Variants in RIMBP2 observed in about 807,000 individuals in gnomAD.
RIMBP2 encodes RIMS-binding protein 2.
RIMBP2 carries 48 observed loss-of-function variants against 118.6 expected under a neutral mutation model. The ratio of observed to expected loss-of-function variants is 0.40; its 90% CI spans 0.32 to 0.51. The LOEUF (loss-of-function observed/expected upper bound fraction) is 0.51, where lower values mean the gene tolerates loss of function less well. RIMBP2 is among the 20% of genes least tolerant of loss of function. The probability of loss-of-function intolerance (pLI) is 0.41; values close to 1 mark genes in which losing one functional copy is unlikely to be tolerated. For synonymous variants in RIMBP2, 762 were observed against 742.9 expected, an observed-to-expected ratio of 1.03 and a Z score of -0.42; for missense variants, 1,551 against 1,768.3, an observed-to-expected ratio of 0.88 and a Z score of 2.20.
chr12:130,466,818 A>G (rs1026621525), intron 6 of RIMBP2, among the ~76,000 whole-genome samples: 1 of 152,220 alleles, frequency 6.6e-6, no homozygotes, highest in African/African-American at 2.4e-5. Flanking sequence ...CTCACCCGAG[A>G]CAAAGGTATA....
At chr12:130,655,116 C>T (rs2063369754) in intron 1 of RIMBP2, among the ~76,000 whole-genome samples, 2 of 152,182 alleles carry the variant, frequency 1.3e-5, no homozygotes, top group Non-Finnish European at 2.9e-5. Flanking sequence ...ATGCAGAAAA[C>T]ACACAAATGA....
chr12:130,688,494 G>A lies in RIMBP2; in HGVS notation c.-352+27728C>T, dbSNP rs964931148. 1.2e-4 allele frequency among the ~76,000 whole-genome samples: 19 copies of A among 152,132 alleles called. No individual in the cohort carries two copies. Among genetic ancestry groups the A allele is most frequent in the Non-Finnish European group, 2.5e-4 (17 of 68,026 alleles). ...TGAACATACACACCACTGTCCCTCCGTGGGGGCGGCCATGTGACCAAGAGC... is the reference window on the plus strand; with the variant it reads ...TGAACATACACACCACTGTCCCTCCATGGGGGCGGCCATGTGACCAAGAGC... On this transcript the variant is annotated intron_variant, in intron 1 of 22. Transcript: ENST00000690449. This position sits in a 1 kb window ranked among gnomAD's most constrained non-coding sequence, Gnocchi z 4.7.
chr12:130,626,234 A>C (rs534745057), intron 2 of RIMBP2, among the ~76,000 whole-genome samples: 2 of 152,216 alleles, frequency 1.3e-5, no homozygotes, highest in Non-Finnish European at 2.9e-5. Context: ...AAATGAATGC[A>C]TAAAATAGGA....
intron 1 of RIMBP2, among the ~76,000 whole-genome samples, chr12:130,696,618 T>C (rs995549461): frequency 2.0e-5 from 3 of 152,246 alleles, no homozygotes; most frequent in African/African-American, 7.2e-5. Context: ...ACTGTGAACA[T>C]TGATCATTTA....
rs150189455 is a variant in RIMBP2 at position 130,447,394 on chromosome 12, C to T, written c.582-2125G>A. 8.5e-5 allele frequency among the ~76,000 whole-genome samples: 13 copies of T among 152,214 alleles called. No homozygotes were observed. The highest frequency in any genetic ancestry group is 2.4e-4 in the African/African-American group (10 of 41,548). On this transcript the variant is annotated intron_variant, in intron 9 of 22. Coordinates refer to ENST00000690449, the MANE Select transcript of RIMBP2 (RefSeq NM_001393629.1). The surrounding 1 kb of genome is among the most constrained non-coding windows in gnomAD (Gnocchi z 4.4). ...TGGGTGTTCAGGGCAGACGCTGCCA[C>T]GTACTGTGTGGATGAGACCAGGGGA...
chr12:130,707,562 T>C (rs1247870045), intron 1 of RIMBP2, among the ~76,000 whole-genome samples: 1 of 152,164 alleles, frequency 6.6e-6, no homozygotes, highest in Non-Finnish European at 1.5e-5. Context: ...GGCAGGCCTG[T>C]GGCCATCAGG....
chr12:130,611,053 T>G (rs994903996), intron 2 of RIMBP2, among the ~76,000 whole-genome samples: 2 of 152,162 alleles, frequency 1.3e-5, no homozygotes, highest in African/African-American at 4.8e-5. Flanking sequence ...CAACACCTCA[T>G]TTCACAGAGG....
Position 130,644,332 on chromosome 12 carries a change from G to C in RIMBP2, c.-351-15876C>G, listed in dbSNP as rs2062754148. On this transcript the variant is annotated intron_variant, in intron 1 of 22. Transcript: ENST00000690449. ...CAAATTAGCTTTCATGAGCTGCTCAGCTCTTAATCCATTAGGGCAGACACG... is the reference window on the plus strand; with the variant it reads ...CAAATTAGCTTTCATGAGCTGCTCACCTCTTAATCCATTAGGGCAGACACG... Among the ~76,000 whole-genome samples, 6 of 152,324 alleles carry C rather than the reference G, an allele frequency of 3.9e-5. No homozygotes were observed. The South Asian group carries it at 1.2e-3, about 32-fold the overall frequency.
At chr12:130,404,924 CGT>C (rs1260854030) in intron 21 of RIMBP2, among the ~76,000 whole-genome samples, 1 of 151,858 alleles carries the variant, frequency 6.6e-6, no homozygotes, top group Non-Finnish European at 1.5e-5. Flanking sequence ...AATTTTAAAA[CGT>C]ATTCATTTTT....
At chr12:130,572,113 C>G (rs2057717608) in intron 2 of RIMBP2, among the ~76,000 whole-genome samples, 1 of 135,590 alleles carries the variant, frequency 7.4e-6, no homozygotes, top group East Asian at 2.3e-4. Context: ...CCCTGCTCCA[C>G]CCCCAGTGCG....
intron 7 of RIMBP2, among the ~76,000 whole-genome samples, chr12:130,453,233 C>T (rs975152164): frequency 6.6e-6 from 1 of 152,220 alleles, no homozygotes; most frequent in Non-Finnish European, 1.5e-5. Context: ...CCTGCCCTCA[C>T]ATACTGACTG....
At position 130,439,198 on chromosome 12, in the gene RIMBP2, A is replaced by C. The variant is rs945034853; in HGVS notation, c.1505-682T>G. On this transcript the variant is annotated intron_variant, in intron 11 of 22. Coordinates refer to ENST00000690449, the MANE Select transcript of RIMBP2 (RefSeq NM_001393629.1). ...ATGGGTGTATGTGTGTAATGTGTGC[A>C]TATATGTGTATATGTGGATGTGTTT... 4.8e-5 allele frequency among the ~76,000 whole-genome samples: 4 copies of C among 82,634 alleles called. No homozygotes were observed. The Admixed American group carries it at 5.3e-4, about 11-fold the overall frequency. The allele number at this position is 82,634 out of a possible 152,430, so 54.2% of individuals were successfully genotyped here. A position where few individuals can be genotyped will look rare whatever the true frequency, so the allele number is the denominator to read the frequency against.
At chr12:130,690,791 T>G (rs754797574) in intron 1 of RIMBP2, among the ~76,000 whole-genome samples, 4 of 152,148 alleles carry the variant, frequency 2.6e-5, no homozygotes, top group Non-Finnish European at 5.9e-5. Flanking sequence ...CATCAGGAGC[T>G]TGAAGCCTGG....
intron 2 of RIMBP2, among the ~76,000 whole-genome samples, chr12:130,553,771 A>C (rs899126525): frequency 3.3e-5 from 5 of 152,206 alleles, no homozygotes; most frequent in Non-Finnish European, 7.3e-5. Flanking sequence ...TCATTAAATA[A>C]CTTGACCAAA....
intron 2 of RIMBP2, among the ~76,000 whole-genome samples, chr12:130,556,883 C>T (rs987388990): frequency 6.6e-6 from 1 of 152,186 alleles, no homozygotes; most frequent in African/African-American, 2.4e-5. Context: ...CAGCACTGTG[C>T]ACCCTTAGGG....
chr12:130,615,272 C>CACATATATATATAT (rs1429575646), intron 2 of RIMBP2, among the ~76,000 whole-genome samples: 107 of 38,770 alleles, frequency 2.8e-3, no homozygotes, highest in Middle Eastern at 0.033. Flanking sequence ...ACATAATACA[C>CACATATATATATAT]ATACATATAT....
At chr12:130,482,768 T>C (rs898356008) in intron 4 of RIMBP2, among the ~76,000 whole-genome samples, 3 of 149,516 alleles carry the variant, frequency 2.0e-5, no homozygotes, top group Non-Finnish European at 4.5e-5. Context: ...TGTCAGATTC[T>C]GCAGGGGAGG....
At chr12:130,404,547 G>A (rs910384524) in intron 21 of RIMBP2, among the ~76,000 whole-genome samples, 2 of 152,134 alleles carry the variant, frequency 1.3e-5, no homozygotes, top group African/African-American at 4.8e-5. Flanking sequence ...TGATCAGCAC[G>A]CCTCAGCCTC....
intron 2 of RIMBP2, among the ~76,000 whole-genome samples, chr12:130,534,400 T>G (rs1593690847): frequency 6.6e-6 from 1 of 151,566 alleles, no homozygotes; most frequent in Admixed American, 6.6e-5. Context: ...GACCACGAGG[T>G]CAGGAGATCC....
Sources: allele counts gnomAD v4.1 joint callset (sites outside exome capture counted in the v4.1 genomes callset), GRCh38; gene constraint gnomAD v4.1.1; non-coding constraint Gnocchi (gnomAD v3.1); transcripts MANE v1.5; gene names NCBI Gene and HGNC (gene_info 2026-07-23, HGNC 2026-07-21).